Variants in LUZP2 observed in about 807,000 individuals in gnomAD.
LUZP2 encodes the protein leucine zipper protein 2.
In LUZP2, 52 loss-of-function variants were observed where a neutral mutation model predicts 51.6. The ratio of observed to expected loss-of-function variants is 1.01; its 90% confidence interval spans 0.81 to 1.27. The LOEUF (loss-of-function observed/expected upper bound fraction) is 1.27, where lower values mean the gene tolerates loss of function less well. LUZP2 is among the 50% of genes most tolerant of loss of function. The pLI is 0.00. For missense variants in LUZP2, 436 were observed against 395.4 expected (o/e 1.10, Z -0.87); for synonymous variants, 154 against 137.3 (o/e 1.12, Z -0.85).
At chr11:24,614,499 A>C (rs1467942365) in intron 1 of LUZP2, among the ~76,000 whole-genome samples, 1 of 152,000 alleles carries the variant, frequency 6.6e-6, no homozygotes, top group African/African-American at 2.4e-5. Context: ...TAAAATGTAC[A>C]TTTCTACGTC....
intron 9 of LUZP2, among the ~76,000 whole-genome samples, chr11:25,036,700 T>C (rs1590862340): frequency 6.6e-6 from 1 of 152,254 alleles, no homozygotes; most frequent in Middle Eastern, 3.4e-3. Flanking sequence ...ATGTTTTTTT[T>C]CCTGACCTAA....
At position 24,905,641 on chromosome 11, in the gene LUZP2, A is replaced by G. The variant is rs564822967; in HGVS notation, c.397-350A>G. On this transcript the variant is annotated intron_variant, in intron 5 of 11. Coordinates refer to ENST00000336930, the MANE Select transcript of LUZP2 (RefSeq NM_001009909.4). ...CAACAGCTATAGCATACACATGGAAAGTTCTCCAGTATAGACTGTATTTTA... is the reference window on the plus strand; with the variant it reads ...CAACAGCTATAGCATACACATGGAAGGTTCTCCAGTATAGACTGTATTTTA... Among the ~76,000 whole-genome samples, 4 of 152,326 alleles carry G rather than the reference A, an allele frequency of 2.6e-5. No individual in the cohort carries two copies. The South Asian group carries it at 8.3e-4, about 32-fold the overall frequency.
chr11:24,817,369 G>A (rs756903312), intron 5 of LUZP2, among the ~76,000 whole-genome samples: 2 of 151,876 alleles, frequency 1.3e-5, no homozygotes, highest in Admixed American at 6.6e-5. Context: ...AAAATATATC[G>A]TATTTCTAGT....
intron 9 of LUZP2, among the ~76,000 whole-genome samples, chr11:25,028,011 G>A (rs1292507559): frequency 6.6e-6 from 1 of 152,034 alleles, no homozygotes; most frequent in Middle Eastern, 3.2e-3. Flanking sequence ...ATTGGAACTT[G>A]CTACGTGGAG....
At position 24,548,079 on chromosome 11, in the gene LUZP2, G is replaced by A. The variant is rs1310281453; in HGVS notation, c.62+50774G>A. ...ATGCTGGCAAGGTTGCAGAGAAAAG[G>A]GAATGCATATACACTGCTGGTGGAA... is the stretch of plus-strand genomic sequence containing the variant. On this transcript the variant is annotated intron_variant, in intron 1 of 11. Transcript: ENST00000336930. Among the ~76,000 whole-genome samples, 3 of 152,058 alleles carry A rather than the reference G, an allele frequency of 2.0e-5. No homozygotes were observed. The East Asian group carries it at 5.8e-4, about 29-fold the overall frequency.
At chr11:25,025,253 A>G (rs1857457124) in intron 9 of LUZP2, among the ~76,000 whole-genome samples, 1 of 152,112 alleles carries the variant, frequency 6.6e-6, no homozygotes, top group African/African-American at 2.4e-5. Flanking sequence ...CTTCATGTCT[A>G]AAACACCAAA....
intron 1 of LUZP2, among the ~76,000 whole-genome samples, chr11:24,614,587 CTA>C (rs1854227781): frequency 1.3e-5 from 2 of 151,946 alleles, no homozygotes; most frequent in Non-Finnish European, 2.9e-5. Context: ...TGTGTTCTCT[CTA>C]TTATAGCCAC....
At chr11:25,064,994 TA>T (rs1470089911) in intron 10 of LUZP2, among the ~76,000 whole-genome samples, 1 of 152,078 alleles carries the variant, frequency 6.6e-6, no homozygotes, top group African/African-American at 2.4e-5. Context: ...GACCAATCTC[TA>T]AATCAGTGCT....
intron 5 of LUZP2, among the ~76,000 whole-genome samples, chr11:24,815,179 C>A (rs1010295514): frequency 6.6e-6 from 1 of 152,118 alleles, no homozygotes; most frequent in Non-Finnish European, 1.5e-5. Flanking sequence ...AACCCCCATA[C>A]ACAAATTTTC....
chr11:24,986,759 T>C (rs1459338980), intron 9 of LUZP2, among the ~76,000 whole-genome samples: 1 of 151,710 alleles, frequency 6.6e-6, no homozygotes, highest in Non-Finnish European at 1.5e-5. Flanking sequence ...CAATATTTAA[T>C]TATATTCATT....
At chr11:24,843,812 G>T (rs1851110946) in intron 5 of LUZP2, among the ~76,000 whole-genome samples, 1 of 152,052 alleles carries the variant, frequency 6.6e-6, no homozygotes, top group South Asian at 2.1e-4. Context: ...CAAGAGACTT[G>T]ATGGTTTTAA....
intron 1 of LUZP2, among the ~76,000 whole-genome samples, chr11:24,554,399 A>G (rs894475095): frequency 2.6e-5 from 4 of 152,306 alleles, no homozygotes; most frequent in African/African-American, 7.2e-5. Context: ...ACATGCTAAT[A>G]TTTAACATGA....
chr11:24,641,929 C>T (rs982369966), intron 1 of LUZP2, among the ~76,000 whole-genome samples: 17 of 151,862 alleles, frequency 1.1e-4, no homozygotes, highest in Non-Finnish European at 2.2e-4. Context: ...GAGTCTCAAT[C>T]GGTCACCAGG....
chr11:24,526,050 T>A (rs891954968), intron 1 of LUZP2, among the ~76,000 whole-genome samples: 1 of 151,402 alleles, frequency 6.6e-6, no homozygotes, highest in Non-Finnish European at 1.5e-5. Context: ...TCAATATTTT[T>A]TACTTAAAAT....
At chr11:24,913,593 A>G (rs1853704092) in intron 6 of LUZP2, among the ~76,000 whole-genome samples, 1 of 152,022 alleles carries the variant, frequency 6.6e-6, no homozygotes, top group Admixed American at 6.6e-5. Context: ...CCAAATGATG[A>G]TACTAATTTA....
intron 1 of LUZP2, among the ~76,000 whole-genome samples, chr11:24,722,938 A>G (rs962447098): frequency 7.9e-5 from 12 of 151,646 alleles, no homozygotes; most frequent in African/African-American, 2.9e-4. Flanking sequence ...AGAGAGAGAG[A>G]GATTCAAAAT....
rs539348055 is a variant in LUZP2 at position 24,626,571 on chromosome 11, G to C, written c.63-102598G>C. Among the ~76,000 whole-genome samples the C allele has an allele frequency of 2.0e-5, 3 of 152,200 alleles. No individual in the cohort carries two copies. The South Asian group carries it at 6.2e-4, about 32-fold the overall frequency. On this transcript the variant is annotated intron_variant, in intron 1 of 11. Transcript: ENST00000336930. ...TCAGTCAGTTGTAAGGATGAGATGG[G>C]AGACCAGAAATCAATGAAACACACA...
At chr11:24,780,038 A>T (rs1189050561) in intron 5 of LUZP2, among the ~76,000 whole-genome samples, 1 of 152,174 alleles carries the variant, frequency 6.6e-6, no homozygotes, top group Non-Finnish European at 1.5e-5. Flanking sequence ...TGGGCTGGTT[A>T]CTTCTGACAT....
chr11:24,952,262 T>C (rs1471649888), intron 7 of LUZP2, among the ~76,000 whole-genome samples: 2 of 151,746 alleles, frequency 1.3e-5, no homozygotes, highest in Non-Finnish European at 2.9e-5. Flanking sequence ...AATCATATTA[T>C]AATATAAAAA....
Sources: allele counts gnomAD v4.1 joint callset (sites outside exome capture counted in the v4.1 genomes callset), GRCh38; gene constraint gnomAD v4.1.1; transcripts MANE v1.5; gene names NCBI Gene and HGNC (gene_info 2026-07-23, HGNC 2026-07-21).